SPOCK3: variants seen among roughly 807,000 people sequenced by gnomAD.
SPOCK3 encodes the protein SPARC (osteonectin), cwcv and kazal like domains proteoglycan 3, also known as testican-3.
Under a neutral mutation model 56.6 loss-of-function variants are expected in SPOCK3, and 30 were observed. The observed-to-expected ratio is 0.53, with a 90% CI of 0.40 to 0.72. The LOEUF (loss-of-function observed/expected upper bound fraction) is 0.72. SPOCK3 is among the 30% of genes least tolerant of loss of function. The probability of loss-of-function intolerance (pLI) is 0.00; values close to 1 mark genes in which losing one functional copy is unlikely to be tolerated. For synonymous variants in SPOCK3, 196 were observed against 183.3 expected (o/e 1.07, Z -0.56); for missense variants, 527 against 530.0 (o/e 0.99, Z 0.06).
At chr4:167,072,700 A>AT (rs775296179) in intron 2 of SPOCK3, among the ~76,000 whole-genome samples, 269 of 152,064 alleles carry the variant, frequency 1.8e-3, no homozygotes, top group Non-Finnish European at 3.4e-3. Context: ...GACCATCAGT[A>AT]TCTCATCTAG....
chr4:166,881,074 C>T lies in SPOCK3; in HGVS notation c.589+8056G>A, dbSNP rs1733632155. ...TGAAAAGAAGTAAAAACTCAGAAAA[C>T]CATACAAACTTTCAACATATACTTT... On this transcript the variant is annotated intron_variant, in intron 6 of 10. Coordinates refer to ENST00000357545, the MANE Select transcript of SPOCK3 (RefSeq NM_001040159.2). Among the ~76,000 whole-genome samples the T allele has an allele frequency of 2.0e-5, 3 of 151,928 alleles. No homozygotes were observed. The South Asian group carries it at 6.2e-4, about 31-fold the overall frequency.
intron 2 of SPOCK3, among the ~76,000 whole-genome samples, chr4:167,200,875 G>T (rs1733449033): frequency 2.0e-5 from 3 of 151,994 alleles, no homozygotes; most frequent in Admixed American, 2.0e-4. Flanking sequence ...TTTTGGTATG[G>T]CATTCTTTAT....
At chr4:166,796,124 C>A (rs866084941) in intron 6 of SPOCK3, among the ~76,000 whole-genome samples, 4 of 152,136 alleles carry the variant, frequency 2.6e-5, no homozygotes, top group Non-Finnish European at 2.9e-5. Context: ...CTGCCCTGAT[C>A]TTGCACTTCC....
chr4:167,117,238 A>G (rs188668786), intron 2 of SPOCK3, among the ~76,000 whole-genome samples: 1 of 152,218 alleles, frequency 6.6e-6, no homozygotes, highest in East Asian at 1.9e-4. Flanking sequence ...AAAAAAGAGG[A>G]AAAGGAACAT....
At chr4:166,754,064 A>T in intron 8 of SPOCK3, 2 of 946,944 alleles carry the variant, frequency 2.1e-6, no homozygotes, top group Non-Finnish European at 2.5e-6. Flanking sequence ...GAGTAAAAAT[A>T]ACTTTATGGT....
chr4:167,054,585 C>G (rs1245181507), intron 3 of SPOCK3, among the ~76,000 whole-genome samples: 1 of 152,070 alleles, frequency 6.6e-6, no homozygotes, highest in Non-Finnish European at 1.5e-5. Context: ...ATGCCCAGAC[C>G]AATATATTGT....
intron 6 of SPOCK3, among the ~76,000 whole-genome samples, chr4:166,843,956 A>G (rs1036225797): frequency 6.6e-6 from 1 of 152,264 alleles, no homozygotes; most frequent in South Asian, 2.1e-4. Flanking sequence ...AGCTATCCTC[A>G]TCATCCCAGA....
chr4:167,096,712 GAGA>G (rs1014039329), intron 2 of SPOCK3, among the ~76,000 whole-genome samples: 1 of 151,826 alleles, frequency 6.6e-6, no homozygotes, highest in African/African-American at 2.4e-5. Context: ...ATATGAGCTT[GAGA>G]AGAATGTGTT....
intron 2 of SPOCK3, among the ~76,000 whole-genome samples, chr4:167,137,683 C>T (rs1234354104): frequency 6.6e-6 from 1 of 151,642 alleles, no homozygotes; most frequent in Non-Finnish European, 1.5e-5. Flanking sequence ...TAACTCCTGC[C>T]CATTGTAGGT....
intron 2 of SPOCK3, among the ~76,000 whole-genome samples, chr4:167,103,263 T>C (rs1759813952): frequency 6.6e-6 from 1 of 152,112 alleles, no homozygotes; most frequent in African/African-American, 2.4e-5. Context: ...AGAGACCAGT[T>C]TGGCCACAGT....
chr4:166,949,424 TAG>T (rs1331471726), intron 4 of SPOCK3, among the ~76,000 whole-genome samples: 1 of 152,208 alleles, frequency 6.6e-6, no homozygotes, highest in Non-Finnish European at 1.5e-5. Flanking sequence ...CTCTGCTTTT[TAG>T]AGTTTCCAGT....
At chr4:166,905,180 T>A (rs764679592) in intron 5 of SPOCK3, among the ~76,000 whole-genome samples, 3 of 152,078 alleles carry the variant, frequency 2.0e-5, no homozygotes, top group African/African-American at 4.8e-5. Flanking sequence ...TTACTACAAA[T>A]ATTACTAGAA....
At chr4:166,848,621 A>G (rs781200696) in intron 6 of SPOCK3, among the ~76,000 whole-genome samples, 8 of 152,206 alleles carry the variant, frequency 5.3e-5, no homozygotes, top group Non-Finnish European at 1.0e-4. Flanking sequence ...GTGACCCAAC[A>G]TTTGAACTCT....
intron 6 of SPOCK3, among the ~76,000 whole-genome samples, chr4:166,882,542 T>C (rs1420365801): frequency 6.6e-6 from 1 of 152,172 alleles, no homozygotes; most frequent in African/African-American, 2.4e-5. Context: ...CCATATTATG[T>C]ATTGGAAAGG....
chr4:167,077,396 A>G (rs1039189833), intron 2 of SPOCK3, among the ~76,000 whole-genome samples: 2 of 151,914 alleles, frequency 1.3e-5, no homozygotes, highest in Non-Finnish European at 2.9e-5. Context: ...AAGTGTAGAA[A>G]TGAAACTCAA....
chr4:166,931,378 A>G lies in SPOCK3; in HGVS notation c.351-18635T>C, dbSNP rs562170734. Among the ~76,000 whole-genome samples the G allele has an allele frequency of 7.4e-4, 113 of 152,310 alleles. 1 individual carries two copies. The highest frequency in any genetic ancestry group is 2.6e-3 in the African/African-American group (108 of 41,576). On this transcript the variant is annotated intron_variant, in intron 4 of 10. Coordinates refer to ENST00000357545, the MANE Select transcript of SPOCK3 (RefSeq NM_001040159.2). ...CCTTTGAGTTGCTTTTAGCCCTGCA[A>G]TTAGAATATTGCTTTAAAACAATCC...
chr4:166,881,869 T>C (rs1031196699), intron 6 of SPOCK3, among the ~76,000 whole-genome samples: 2 of 152,108 alleles, frequency 1.3e-5, no homozygotes, highest in Non-Finnish European at 2.9e-5. Context: ...TGACCTTATT[T>C]ATATATTTGG....
At chr4:166,984,305 C>T (rs1055978094) in intron 4 of SPOCK3, among the ~76,000 whole-genome samples, 4 of 151,752 alleles carry the variant, frequency 2.6e-5, no homozygotes, top group African/African-American at 7.3e-5. Context: ...AGAACCAAGG[C>T]GAATTAGGAA....
At position 166,734,084 on chromosome 4, in the gene SPOCK3, A is replaced by G. The variant is rs3762245; in HGVS notation, c.*837T>C. On this transcript the variant is annotated 3_prime_UTR_variant, in exon 11 of 11. Transcript: ENST00000357545. ...AAATTTGACCTTGGGGCAAATGACAAACTTTGTAAAAATATGGTTTAAATG... is the reference window on the plus strand; with the variant it reads ...AAATTTGACCTTGGGGCAAATGACAGACTTTGTAAAAATATGGTTTAAATG... 0.24 allele frequency: 37,118 copies of G among 151,894 alleles called. 5,559 individuals are homozygous for G. The highest frequency in any genetic ancestry group is 0.42 in the African/African-American group (17,214 of 41,428). 9.4% of individuals were successfully genotyped at this position (151,894 alleles called of 1,614,324 possible). A position where few individuals can be genotyped will look rare whatever the true frequency, so the allele number is the denominator to read the frequency against.
Sources: allele counts gnomAD v4.1 joint callset (sites outside exome capture counted in the v4.1 genomes callset), GRCh38; gene constraint gnomAD v4.1.1; transcripts MANE v1.5; gene names NCBI Gene and HGNC (gene_info 2026-07-23, HGNC 2026-07-21).